Variants in TAFA5 observed in about 807,000 individuals in gnomAD.
TAFA5 encodes chemokine-like protein TAFA-5.
Under a neutral mutation model 15.3 loss-of-function variants are expected in TAFA5, and 6 were observed. That is an observed-to-expected ratio of 0.39 (90% confidence interval 0.21 to 0.77). The LOEUF is 0.77. TAFA5 is among the 30% of genes least tolerant of loss of function. The pLI is 0.41. For synonymous variants in TAFA5, 103 were observed against 80.7 expected (o/e 1.28, Z -1.48); for missense variants, 161 against 193.1 (o/e 0.83, Z 0.98).
chr22:48,555,752 T>G (rs971784525), intron 1 of TAFA5, among the ~76,000 whole-genome samples: 3 of 152,070 alleles, frequency 2.0e-5, no homozygotes, highest in Non-Finnish European at 4.4e-5. Context: ...CCCAGGAAGC[T>G]GGTCCAGGAG....
At chr22:48,528,228 G>A (rs1022598868) in intron 1 of TAFA5, among the ~76,000 whole-genome samples, 1 of 152,216 alleles carries the variant, frequency 6.6e-6, no homozygotes, top group Non-Finnish European at 1.5e-5. Context: ...TACCTGACAA[G>A]CTTCGAGCGG....
intron 2 of TAFA5, among the ~76,000 whole-genome samples, chr22:48,691,257 A>G (rs1466452466): frequency 6.6e-6 from 1 of 152,082 alleles, no homozygotes; most frequent in Non-Finnish European, 1.5e-5. Context: ...CCAAGTAGGG[A>G]GCCGCCTCCT....
intron 1 of TAFA5, among the ~76,000 whole-genome samples, chr22:48,604,190 C>T (rs1925075808): frequency 6.6e-6 from 1 of 152,200 alleles, no homozygotes; most frequent in Non-Finnish European, 1.5e-5. Context: ...AGCCGCTGGG[C>T]CCCTCTTGGC....
At position 48,724,467 on chromosome 22, in the gene TAFA5, C is replaced by T. The variant is rs141987664; in HGVS notation, c.390+16623C>T. ...GAGGAGAGAGGAGAAGATGGGCTCCCCTGCAAGTCCATAGAAGCCTCCGTG... is the reference window on the plus strand; with the variant it reads ...GAGGAGAGAGGAGAAGATGGGCTCCTCTGCAAGTCCATAGAAGCCTCCGTG... On this transcript the variant is annotated intron_variant, in intron 3 of 3. Coordinates refer to ENST00000402357, the MANE Select transcript of TAFA5 (RefSeq NM_001082967.3). 6.7e-4 allele frequency among the ~76,000 whole-genome samples: 102 copies of T among 152,306 alleles called. 2 individuals are homozygous for T. In the East Asian group the frequency reaches 0.017, roughly 25 times the overall value.
chr22:48,576,535 C>T lies in TAFA5; in HGVS notation c.113-70062C>T, dbSNP rs748416322. Reference sequence around the variant, plus strand: ...GGCAGGGGCCGCGCTCTGCTGCTTCCTCGTCCTAGTGATCCACGCGCAGTT... The same window carrying T: ...GGCAGGGGCCGCGCTCTGCTGCTTCTTCGTCCTAGTGATCCACGCGCAGTT... On this transcript the variant is annotated intron_variant, in intron 1 of 3. Transcript: ENST00000402357. 4 of 1,519,710 alleles carry T rather than the reference C, an allele frequency of 2.6e-6. No homozygotes were observed. The South Asian group carries it at 3.7e-5, about 14-fold the overall frequency. The allele number at this position is 1,519,710 out of a possible 1,614,324, so 94.1% of individuals were successfully genotyped here. A position where few individuals can be genotyped will look rare whatever the true frequency, so the allele number is the denominator to read the frequency against.
intron 2 of TAFA5, among the ~76,000 whole-genome samples, chr22:48,705,193 G>A (rs1260734867): frequency 1.3e-5 from 2 of 152,152 alleles, no homozygotes; most frequent in Non-Finnish European, 2.9e-5. Context: ...GGGTAGCCAT[G>A]CCCGGCTGGT....
At position 48,742,921 on chromosome 22, in the gene TAFA5, G is replaced by A. The variant is rs984119168; in HGVS notation, c.391-6918G>A. On this transcript the variant is annotated intron_variant, in intron 3 of 3. Coordinates refer to ENST00000402357, the MANE Select transcript of TAFA5 (RefSeq NM_001082967.3). The surrounding 1 kb of genome is among the most constrained non-coding windows in gnomAD (Gnocchi z 6.2). Reference sequence around the variant, plus strand: ...CCCACACGCGGGGCCCCCACAGTGCGGACATGTTGGGGCAATGCTGCCTGG... The same window carrying A: ...CCCACACGCGGGGCCCCCACAGTGCAGACATGTTGGGGCAATGCTGCCTGG... 2.6e-5 allele frequency among the ~76,000 whole-genome samples: 4 copies of A among 152,290 alleles called. No individual in the cohort carries two copies. Among genetic ancestry groups the A allele is most frequent in the Middle Eastern group, 3.4e-3 (1 of 294 alleles).
intron 1 of TAFA5, among the ~76,000 whole-genome samples, chr22:48,542,145 G>A (rs543809818): frequency 6.8e-6 from 1 of 147,452 alleles, no homozygotes; most frequent in Admixed American, 6.8e-5. Context: ...GTATGTGTGT[G>A]TGTGGGTGTG....
At chr22:48,576,115 CCGGGGGCGGCGG>C (rs1446972479) in intron 1 of TAFA5, among the ~76,000 whole-genome samples, 1 of 135,664 alleles carries the variant, frequency 7.4e-6, no homozygotes, top group Non-Finnish European at 1.6e-5. Flanking sequence ...CGGTGCGGCT[CCGGGGGCGGCGG>C]CGGGGCTGAT....
At chr22:48,506,596 A>G (rs1467825769) in intron 1 of TAFA5, among the ~76,000 whole-genome samples, 1 of 152,172 alleles carries the variant, frequency 6.6e-6, no homozygotes, top group Non-Finnish European at 1.5e-5. Context: ...CTATGGCCTC[A>G]GGCAGGGCCC....
At chr22:48,576,213 C>G in intron 1 of TAFA5, 1 of 333,362 alleles carries the variant, frequency 3.0e-6, no homozygotes, top group Non-Finnish European at 4.8e-6. Flanking sequence ...CGGCGGCCGC[C>G]GCGGCCCGAG....
intron 1 of TAFA5, among the ~76,000 whole-genome samples, chr22:48,634,301 CTTATTCACTCAT>C (rs1263053631): frequency 3.9e-5 from 6 of 152,174 alleles, no homozygotes; most frequent in Non-Finnish European, 7.3e-5. Flanking sequence ...CGTTAACTCA[CTTATTCACTCAT>C]TTATTCACTC....
rs113688828 is a variant in TAFA5 at position 48,560,656 on chromosome 22, C to T, written c.112+70952C>T. Reference sequence around the variant, plus strand: ...TGGAGTTTCGCTCTTGTTGCCCAGGCGGGAGTGCAGTGGTGCTATTCGGCT... The same window carrying T: ...TGGAGTTTCGCTCTTGTTGCCCAGGTGGGAGTGCAGTGGTGCTATTCGGCT... On this transcript the variant is annotated intron_variant, in intron 1 of 3. Coordinates refer to ENST00000402357, the MANE Select transcript of TAFA5 (RefSeq NM_001082967.3). This position sits in a 1 kb window ranked among gnomAD's most constrained non-coding sequence, Gnocchi z 4.2. Among the ~76,000 whole-genome samples, 1,221 of 151,728 alleles carry T rather than the reference C, an allele frequency of 8.0e-3. 15 individuals carry two copies. The highest frequency in any genetic ancestry group is 0.028 in the African/African-American group (1,176 of 41,352).
intron 1 of TAFA5, among the ~76,000 whole-genome samples, chr22:48,586,269 G>A (rs1924356860): frequency 6.6e-6 from 1 of 152,256 alleles, no homozygotes; most frequent in East Asian, 1.9e-4. Flanking sequence ...CGTGGGTGTT[G>A]CCTGGGCATT....
intron 1 of TAFA5, among the ~76,000 whole-genome samples, chr22:48,612,287 G>A (rs1044609210): frequency 3.3e-5 from 5 of 152,208 alleles, no homozygotes; most frequent in Non-Finnish European, 5.9e-5. Flanking sequence ...AGCACAGGGC[G>A]GCTCACTTGC....
At position 48,550,849 on chromosome 22, in the gene TAFA5, G is replaced by A. The variant is rs900193399; in HGVS notation, c.112+61145G>A. ...CAGGATTCAGGCCTGAGTCGTGCCC[G>A]GGACCATGTGGATCCCTTTCGTTCC... On this transcript the variant is annotated intron_variant, in intron 1 of 3. Transcript: ENST00000402357. The surrounding 1 kb of genome is among the most constrained non-coding windows in gnomAD (Gnocchi z 4.1). Among the ~76,000 whole-genome samples, 17 of 152,062 alleles carry A rather than the reference G, an allele frequency of 1.1e-4. No homozygotes were observed. Among genetic ancestry groups the A allele is most frequent in the Admixed American group, 7.9e-4 (12 of 15,274 alleles).
chr22:48,673,439 C>T (rs867552605), intron 2 of TAFA5, among the ~76,000 whole-genome samples: 16 of 152,206 alleles, frequency 1.1e-4, no homozygotes, highest in African/African-American at 3.9e-4. Context: ...GAGGATTAGG[C>T]CTGTAAGCCT....
At chr22:48,662,502 C>T (rs536745755) in intron 2 of TAFA5, among the ~76,000 whole-genome samples, 4 of 143,582 alleles carry the variant, frequency 2.8e-5, no homozygotes, top group Admixed American at 1.4e-4. Flanking sequence ...TTCAAGGGCC[C>T]AGGCGGTGGG....
At chr22:48,698,789 G>A (rs1928809130) in intron 2 of TAFA5, among the ~76,000 whole-genome samples, 1 of 79,262 alleles carries the variant, frequency 1.3e-5, no homozygotes, top group South Asian at 3.2e-4. Context: ...GGGCTCTACA[G>A]GCCCCGTGCG....
Sources: gnomAD v4.1 joint callset for allele counts (sites outside exome capture counted in the v4.1 genomes callset) on GRCh38, gnomAD v4.1.1 for gene constraint, Gnocchi (gnomAD v3.1) non-coding constraint, MANE v1.5 for transcripts, NCBI Gene and HGNC (gene_info 2026-07-23, HGNC 2026-07-21) for gene names.